Variants in FAM81B observed in about 807,000 individuals in gnomAD.
FAM81B encodes the protein family with sequence similarity 81 member B.
A neutral mutation model predicts 58.7 loss-of-function variants in FAM81B; 60 were observed. The ratio of observed to expected loss-of-function variants is 1.02; its 90% CI spans 0.83 to 1.27. The LOEUF is 1.27. FAM81B is among the 50% of genes most tolerant of loss of function. FAM81B has a pLI of 0.00. For synonymous variants in FAM81B, 189 were observed against 179.6 expected (o/e 1.05, Z -0.42); for missense variants, 491 against 522.0 (o/e 0.94, Z 0.58).
intron 2 of FAM81B, among the ~76,000 whole-genome samples, chr5:95,393,604 A>G (rs1328837587): frequency 6.6e-6 from 1 of 152,212 alleles, no homozygotes; most frequent in Non-Finnish European, 1.5e-5. Flanking sequence ...CATCATCTAC[A>G]TGATCTTGGG....
At chr5:95,391,568 C>A in intron 1 of FAM81B, 55 bp downstream of exon 1, 1 of 1,545,868 alleles carries the variant, frequency 6.5e-7, no homozygotes, top group South Asian at 1.3e-5. Context: ...TATCTTTCTT[C>A]TGTTTCTTAT....
chr5:95,444,946 C>A (rs1400598650), intron 7 of FAM81B, among the ~76,000 whole-genome samples: 1 of 151,996 alleles, frequency 6.6e-6, no homozygotes, highest in Non-Finnish European at 1.5e-5. Flanking sequence ...CACTAGATGC[C>A]AGTAACACCT....
chr5:95,401,670 G>A (rs1023242303), intron 3 of FAM81B, among the ~76,000 whole-genome samples: 3 of 151,784 alleles, frequency 2.0e-5, no homozygotes, highest in African/African-American at 7.3e-5. Context: ...ATCTTTCTTC[G>A]GTATGCCTTT....
intron 4 of FAM81B, among the ~76,000 whole-genome samples, chr5:95,417,156 A>C (rs1762558768): frequency 6.6e-6 from 1 of 152,228 alleles, no homozygotes; most frequent in Non-Finnish European, 1.5e-5. Flanking sequence ...AATACTGTGA[A>C]AGCTCTTGAT....
intron 7 of FAM81B, among the ~76,000 whole-genome samples, chr5:95,441,680 A>G (rs143761824): frequency 1.1e-3 from 163 of 152,294 alleles, no homozygotes; most frequent in African/African-American, 3.7e-3. Flanking sequence ...ATGGTCAACT[A>G]AACTTATATT....
chr5:95,406,520 A>G (rs1377169174), intron 3 of FAM81B, among the ~76,000 whole-genome samples: 1 of 152,134 alleles, frequency 6.6e-6, no homozygotes, highest in Non-Finnish European at 1.5e-5. Context: ...GCTGCCCCAG[A>G]AAGTGGGCAT....
intron 6 of FAM81B, among the ~76,000 whole-genome samples, chr5:95,436,399 G>A (rs1243828707): frequency 1.3e-5 from 2 of 152,152 alleles, no homozygotes; most frequent in Non-Finnish European, 2.9e-5. Context: ...CACCTAATGT[G>A]CACTGAGGAT....
Position 95,450,406 on chromosome 5 carries a change from T to A in FAM81B, c.*124T>A. The A allele has an allele frequency of 6.8e-7, 1 of 1,463,024 alleles. No individual in the cohort carries two copies. Among genetic ancestry groups the A allele is most frequent in the East Asian group, 2.5e-5 (1 of 40,386 alleles). 90.6% of individuals were successfully genotyped at this position (1,463,024 alleles called of 1,614,324 possible). A position where few individuals can be genotyped will look rare whatever the true frequency, so the allele number is the denominator to read the frequency against. On this transcript the variant is annotated 3_prime_UTR_variant, in exon 10 of 10. Coordinates refer to ENST00000283357, the MANE Select transcript of FAM81B (RefSeq NM_152548.3). ...TAATGTCTCCTTTTAAGGAGACGAA[T>A]GTACCAGAAAAATAATAAAGCAAAG...
intron 6 of FAM81B, among the ~76,000 whole-genome samples, chr5:95,431,441 TTAG>T (rs1561308512): frequency 6.6e-6 from 1 of 152,060 alleles, no homozygotes; most frequent in Non-Finnish European, 1.5e-5. Flanking sequence ...CCTGGTATAA[TTAG>T]TTGTTTTTGC....
intron 5 of FAM81B, among the ~76,000 whole-genome samples, chr5:95,425,453 C>A (rs1178877692): frequency 1.3e-5 from 2 of 152,084 alleles, no homozygotes; most frequent in Non-Finnish European, 2.9e-5. Context: ...TTATCATGTT[C>A]TGAAAGAAAG....
chr5:95,395,603 G>C (rs558514471), intron 2 of FAM81B, among the ~76,000 whole-genome samples: 1 of 152,278 alleles, frequency 6.6e-6, no homozygotes, highest in African/African-American at 2.4e-5. Context: ...GAAGTTGCCA[G>C]TTAAGTGTAC....
chr5:95,405,745 AG>A (rs1396806204), intron 3 of FAM81B, among the ~76,000 whole-genome samples: 2 of 152,014 alleles, frequency 1.3e-5, no homozygotes. Flanking sequence ...CAGTGAGTCC[AG>A]GGGTGGGGTG....
At position 95,421,785 on chromosome 5, in the gene FAM81B, A is replaced by T. The variant is rs143744801; in HGVS notation, c.656+1383A>T. ...CATGAAAGCCCAGAGTAGGGGACAG[A>T]CAACACAGACATTAGAGAAATAGAA... On this transcript the variant is annotated intron_variant, in intron 5 of 9. Coordinates refer to ENST00000283357, the MANE Select transcript of FAM81B (RefSeq NM_152548.3). Among the ~76,000 whole-genome samples the T allele has an allele frequency of 3.5e-4, 53 of 152,338 alleles. 2 individuals are homozygous for T. The East Asian group carries it at 7.1e-3, about 21-fold the overall frequency.
intron 4 of FAM81B, 94 bp from the exon 5 acceptor site, chr5:95,420,190 C>T (rs1762640356): frequency 9.3e-6 from 14 of 1,508,862 alleles, no homozygotes; most frequent in Non-Finnish European, 1.2e-5. Flanking sequence ...AGCCTAATTA[C>T]AAAATGCATT....
At chr5:95,395,825 A>C (rs1469407090) in intron 2 of FAM81B, among the ~76,000 whole-genome samples, 1 of 152,230 alleles carries the variant, frequency 6.6e-6, no homozygotes, top group Non-Finnish European at 1.5e-5. Context: ...TAGATATTTC[A>C]TTTTAAAATT....
chr5:95,423,622 A>G (rs1441399362), intron 5 of FAM81B, among the ~76,000 whole-genome samples: 1 of 152,162 alleles, frequency 6.6e-6, no homozygotes, highest in Non-Finnish European at 1.5e-5. Flanking sequence ...TTAAAGAAAC[A>G]TAATAATGTG....
intron 5 of FAM81B, among the ~76,000 whole-genome samples, chr5:95,426,326 A>G (rs1445172074): frequency 6.6e-6 from 1 of 152,108 alleles, no homozygotes; most frequent in African/African-American, 2.4e-5. Flanking sequence ...GAGGCAGAGG[A>G]ACTCCTTTTG....
chr5:95,428,849 G>C (rs1762922400), intron 6 of FAM81B, 117 bp downstream of exon 6: 1 of 1,408,720 alleles, frequency 7.1e-7, no homozygotes, highest in East Asian at 2.3e-5. Flanking sequence ...TTCTTCCAAA[G>C]GGTGTAATTC....
chr5:95,428,635 A>T lies in FAM81B; in HGVS notation c.689A>T (p.Asp230Val), dbSNP rs775893980. 14 of 1,613,964 alleles carry T rather than the reference A, an allele frequency of 8.7e-6. No homozygotes were observed. In the South Asian group the frequency reaches 1.4e-4, roughly 16 times the overall value. The change falls in exon 6 of 10, where the codon GAC becomes GTC. Residue 230 changes from aspartate to valine, a missense_variant. Physicochemically the swap from Asp to Val is radical, Grantham distance 152. Coordinates refer to ENST00000283357, the MANE Select transcript of FAM81B (RefSeq NM_152548.3). ...TCAAGCATTGTGAAGCTTTCTGGAG[A>T]CATTCACTTATTCAGGCAAGAGCAC... The part of the protein sequence containing the change: ...CDSSIVKLSG[D>V]IHLFRQEHRQ...
Sources: gnomAD v4.1 joint callset for allele counts (sites outside exome capture counted in the v4.1 genomes callset) on GRCh38, gnomAD v4.1.1 for gene constraint, MANE v1.5 for transcripts, NCBI Gene and HGNC (gene_info 2026-07-23, HGNC 2026-07-21) for gene names.